CLDN14: variants seen among roughly 807,000 people sequenced by gnomAD.
The protein encoded by CLDN14 is claudin-14.
Under a neutral mutation model 2.1 loss-of-function variants are expected in CLDN14, and 2 were observed. That is an observed-to-expected ratio of 0.96 (90% confidence interval 0.39 to 3.01). The LOEUF (loss-of-function observed/expected upper bound fraction) is 3.01, where lower values mean the gene tolerates loss of function less well. Ranked by LOEUF, CLDN14 falls within the 30% of genes most tolerant of loss-of-function variation. CLDN14 has a pLI of 0.09. For missense variants in CLDN14, 298 were observed against 328.0 expected, an observed-to-expected ratio of 0.91 and a Z score of 0.71; for synonymous variants, 136 against 154.4, an observed-to-expected ratio of 0.88 and a Z score of 0.88.
At chr21:36,488,033 G>T (rs1355311488) in intron 2 of CLDN14, among the ~76,000 whole-genome samples, 1 of 152,210 alleles carries the variant, frequency 6.6e-6, no homozygotes, top group Non-Finnish European at 1.5e-5. Context: ...ATTTGCAATA[G>T]TCAAAAGGTG....
rs776922359 is a variant in CLDN14, at chr21:36,498,506, A to C, written c.-82+11857T>G. ...GCACGGCAGCAGGTTGTTTGAATAA[A>C]ATAGGAGATTTCCAGTCTCAGATTG... On this transcript the variant is annotated intron_variant, in intron 2 of 2. Transcript: ENST00000342108. The surrounding 1 kb of genome is among the most constrained non-coding windows in gnomAD (Gnocchi z 4.9). Among the ~76,000 whole-genome samples, 7 of 152,194 alleles carry C rather than the reference A, an allele frequency of 4.6e-5. No homozygotes were observed. The highest frequency in any genetic ancestry group is 8.8e-5 in the Non-Finnish European group (6 of 68,030).
At chr21:36,476,456 T>TA (rs991249531) in intron 1 of CLDN14, among the ~76,000 whole-genome samples, 1 of 25,190 alleles carries the variant, frequency 4.0e-5, no homozygotes, top group Non-Finnish European at 1.4e-4. Context: ...TGGATGACTA[T>TA]TTTTTTTTTT....
rs1354850798 is a variant in CLDN14 at position 36,498,979 on chromosome 21, C to T, written c.-82+11384G>A. On this transcript the variant is annotated intron_variant, in intron 2 of 2. Transcript: ENST00000342108. This position sits in a 1 kb window ranked among gnomAD's most constrained non-coding sequence, Gnocchi z 4.9. ...CCAGATGGGAGTGTCCTCTTGCACT[C>T]CATCCATCTGGATGAAGCACCTTTA... 6.6e-6 allele frequency among the ~76,000 whole-genome samples: 1 copy of T among 152,168 alleles called. No homozygotes were observed. The highest frequency in any genetic ancestry group is 1.5e-5 in the Non-Finnish European group (1 of 68,026).
At chr21:36,484,800 G>A (rs2086878702), upstream of CLDN14, among the ~76,000 whole-genome samples, 1 of 151,888 alleles carries the variant, frequency 6.6e-6, no homozygotes, top group Non-Finnish European at 1.5e-5. Context: ...CGCAACCTCC[G>A]CCTGCCGGGT....
chr21:36,489,870 G>A (rs2086943759), intron 2 of CLDN14, among the ~76,000 whole-genome samples: 1 of 152,188 alleles, frequency 6.6e-6, no homozygotes, highest in Admixed American at 6.5e-5. Flanking sequence ...TCCTCCCCCA[G>A]TAGCCAGCCA....
rs1214373688 is a variant in CLDN14, at chr21:36,544,135, C to A, written c.-220+32276G>T. ...ACCCAGAAGCCACACCAGCCCTTGG[C>A]TCCCTCCAACCCAGGTTTCCATTAC... is the stretch of plus-strand genomic sequence containing the variant. On this transcript the variant is annotated intron_variant, in intron 1 of 2. Coordinates refer to the CLDN14 transcript ENST00000342108. This position sits in a 1 kb window ranked among gnomAD's most constrained non-coding sequence, Gnocchi z 4.1. Among the ~76,000 whole-genome samples, 1 of 152,262 alleles carries A rather than the reference C, an allele frequency of 6.6e-6. No individual in the cohort carries two copies. The highest frequency in any genetic ancestry group is 2.4e-5 in the African/African-American group (1 of 41,474).
chr21:36,549,276 A>ATACACT (rs2087547282), intron 1 of CLDN14, among the ~76,000 whole-genome samples: 1 of 139,538 alleles, frequency 7.2e-6, no homozygotes, highest in Non-Finnish European at 1.6e-5. Context: ...TTACACACAC[A>ATACACT]CTCTCTCTCT....
In CLDN14 at chr21:36,460,702, T is replaced by C. The variant is rs2086555035; in HGVS notation, c.*274A>G. On this transcript the variant is annotated 3_prime_UTR_variant, in exon 2 of 2. Transcript: ENST00000399135. This position sits in a 1 kb window ranked among gnomAD's most constrained non-coding sequence, Gnocchi z 4.0. ...GACCAAACTCCCAAGTCACTTTATA[T>C]TAAACTTGTTATCAAATCACCCACA... The C allele has an allele frequency of 4.9e-6, 2 of 411,302 alleles. No homozygotes were observed. 25.5% of individuals were successfully genotyped at this position (411,302 alleles called of 1,614,324 possible). A position where few individuals can be genotyped will look rare whatever the true frequency, so the allele number is the denominator to read the frequency against.
At chr21:36,538,633 A>G (rs571200782) in intron 1 of CLDN14, among the ~76,000 whole-genome samples, 2,053 of 151,992 alleles carry the variant, frequency 0.014, 55 homozygotes, top group African/African-American at 0.047. Context: ...AAGAGAGAGA[A>G]AAAAAAGAAG....
At chr21:36,523,074 T>C (rs1302403015) in intron 1 of CLDN14, among the ~76,000 whole-genome samples, 1 of 152,194 alleles carries the variant, frequency 6.6e-6, no homozygotes, top group Non-Finnish European at 1.5e-5. Flanking sequence ...GGACACTCAC[T>C]GTCCTGGCTG....
intron 2 of CLDN14, among the ~76,000 whole-genome samples, chr21:36,509,979 C>T (rs1156492928): frequency 2.5e-4 from 38 of 152,190 alleles, no homozygotes; most frequent in Non-Finnish European, 4.4e-5. Context: ...CCCTAAACAA[C>T]CTGAAGGTTT....
intron 2 of CLDN14, among the ~76,000 whole-genome samples, chr21:36,495,308 A>G (rs981553970): frequency 6.6e-6 from 1 of 152,240 alleles, no homozygotes; most frequent in East Asian, 1.9e-4. Flanking sequence ...CAGCCTGGGC[A>G]ACAAGCGTGA....
chr21:36,525,756 C>G (rs572296963), intron 1 of CLDN14, among the ~76,000 whole-genome samples: 1 of 152,326 alleles, frequency 6.6e-6, no homozygotes, highest in Non-Finnish European at 1.5e-5. Context: ...CAACCACACT[C>G]TGACTCCTCC....
upstream of CLDN14, among the ~76,000 whole-genome samples, chr21:36,484,499 G>C (rs1262233813): frequency 6.6e-6 from 1 of 152,182 alleles, no homozygotes; most frequent in African/African-American, 2.4e-5. Flanking sequence ...CGCTAGCAGG[G>C]CTGTGCTCCT....
chr21:36,489,132 AT>A (rs1444514156), intron 2 of CLDN14, among the ~76,000 whole-genome samples: 598 of 40,228 alleles, frequency 0.015, no homozygotes, highest in Non-Finnish European at 0.021. Flanking sequence ...AAAAAAAAAA[AT>A]ATATATATAT....
At chr21:36,539,711 C>T (rs756713588) in intron 1 of CLDN14, among the ~76,000 whole-genome samples, 8 of 128,674 alleles carry the variant, frequency 6.2e-5, no homozygotes, top group African/African-American at 1.2e-4. Flanking sequence ...AGTGAGTGTA[C>T]GGTGTTAGTG....
intron 1 of CLDN14, among the ~76,000 whole-genome samples, chr21:36,559,611 G>C (rs2087620783): frequency 6.6e-6 from 1 of 152,160 alleles, no homozygotes; most frequent in African/African-American, 2.4e-5. Context: ...TAAGATTTGA[G>C]TGCAAACTTA....
At chr21:36,543,144 G>C (rs796447720) in intron 1 of CLDN14, among the ~76,000 whole-genome samples, 1 of 152,176 alleles carries the variant, frequency 6.6e-6, no homozygotes, top group African/African-American at 2.4e-5. Context: ...CAACTGCTGG[G>C]GCAGGGGCTG....
chr21:36,560,199 T>C (rs1353208034), intron 1 of CLDN14, among the ~76,000 whole-genome samples: 2 of 148,424 alleles, frequency 1.3e-5, no homozygotes, highest in South Asian at 2.2e-4. Context: ...TAGTCATTTC[T>C]TTCTATTCCT....
Sources: allele counts gnomAD v4.1 joint callset (sites outside exome capture counted in the v4.1 genomes callset), GRCh38; gene constraint gnomAD v4.1.1; non-coding constraint Gnocchi (gnomAD v3.1); transcripts MANE v1.5; gene names NCBI Gene and HGNC (gene_info 2026-07-23, HGNC 2026-07-21).